DOCK3: variants seen among roughly 807,000 people sequenced by gnomAD.
DOCK3 encodes the protein dedicator of cytokinesis 3.
A neutral mutation model predicts 265.6 loss-of-function variants in DOCK3; 60 were observed. The observed-to-expected ratio is 0.23, with a 90% CI of 0.18 to 0.28. The LOEUF (loss-of-function observed/expected upper bound fraction) is 0.28, where lower values mean the gene tolerates loss of function less well. Ranked by LOEUF, DOCK3 falls within the 10% of genes least tolerant of loss-of-function variation. DOCK3 has a pLI of 1.00. For missense variants in DOCK3, 1,981 were observed against 2,594.3 expected, an observed-to-expected ratio of 0.76 and a Z score of 5.14; for synonymous variants, 881 against 938.0, an observed-to-expected ratio of 0.94 and a Z score of 1.11.
chr3:50,745,768 T>G (rs1372066513), intron 1 of DOCK3, among the ~76,000 whole-genome samples: 1 of 152,228 alleles, frequency 6.6e-6, no homozygotes, highest in Non-Finnish European at 1.5e-5. Context: ...CTACCCAACA[T>G]CAACTTTATT....
At chr3:51,349,009 C>A in intron 39 of DOCK3, 71 bp downstream of exon 39, 1 of 1,360,118 alleles carries the variant, frequency 7.4e-7, no homozygotes, top group Non-Finnish European at 1.0e-6. Context: ...CTCTATGGGC[C>A]CAGCCCTTAG....
intron 19 of DOCK3, among the ~76,000 whole-genome samples, chr3:51,234,002 A>G (rs1056391575): frequency 2.6e-5 from 4 of 152,220 alleles, no homozygotes; most frequent in Non-Finnish European, 4.4e-5. Context: ...CTTTGGACAT[A>G]TACCCAGTAG....
chr3:50,887,903 A>G (rs555170146), intron 3 of DOCK3, among the ~76,000 whole-genome samples: 2 of 152,288 alleles, frequency 1.3e-5, no homozygotes, highest in East Asian at 1.9e-4. Context: ...AGCCAATGTC[A>G]TACTGAATGG....
At chr3:51,151,635 A>G (rs866524669) in intron 10 of DOCK3, among the ~76,000 whole-genome samples, 3 of 152,174 alleles carry the variant, frequency 2.0e-5, no homozygotes, top group South Asian at 4.1e-4. Context: ...GGCTGGTACC[A>G]GTTGTTCCTT....
At chr3:50,999,613 C>T (rs529920725) in intron 5 of DOCK3, among the ~76,000 whole-genome samples, 1 of 152,218 alleles carries the variant, frequency 6.6e-6, no homozygotes, top group Non-Finnish European at 1.5e-5. Flanking sequence ...TTTCTTGGTA[C>T]TCAGGATTCA....
chr3:51,282,470 A>G (rs558729344), intron 27 of DOCK3, among the ~76,000 whole-genome samples: 1 of 152,174 alleles, frequency 6.6e-6, no homozygotes, highest in South Asian at 2.1e-4. Flanking sequence ...CCTGACCAAC[A>G]TAGAGAAACC....
At chr3:50,978,920 C>T (rs1383138792) in intron 5 of DOCK3, among the ~76,000 whole-genome samples, 19 of 152,168 alleles carry the variant, frequency 1.2e-4, no homozygotes, top group East Asian at 1.9e-4. Flanking sequence ...AGGTGCTGTC[C>T]GTCACCCCTT....
chr3:50,821,080 T>A (rs985376052), intron 2 of DOCK3, among the ~76,000 whole-genome samples: 5 of 151,878 alleles, frequency 3.3e-5, no homozygotes, highest in Admixed American at 2.6e-4. Context: ...AAATATTTTT[T>A]CCCATTCTGT....
chr3:50,794,241 A>G lies in DOCK3; in HGVS notation c.121+15483A>G, dbSNP rs566989122. On this transcript the variant is annotated intron_variant, in intron 2 of 52. Transcript: ENST00000266037. The stretch of plus-strand genomic sequence containing the variant: ...TGGGTGGAGAGTTCTGTAAATTTCT[A>G]TCAGATCCATTTGATCCAGTGCTGA... 4.6e-5 allele frequency among the ~76,000 whole-genome samples: 7 copies of G among 152,296 alleles called. 1 individual carries two copies. In the South Asian group the frequency reaches 8.3e-4, roughly 18 times the overall value.
At chr3:51,117,375 A>G (rs2109909385) in intron 9 of DOCK3, among the ~76,000 whole-genome samples, 1 of 152,116 alleles carries the variant, frequency 6.6e-6, no homozygotes, top group South Asian at 2.1e-4. Flanking sequence ...CTAGTATTTT[A>G]TTGAGGATTT....
At chr3:50,748,221 G>C (rs1018059776) in intron 1 of DOCK3, among the ~76,000 whole-genome samples, 3 of 152,190 alleles carry the variant, frequency 2.0e-5, no homozygotes, top group African/African-American at 7.2e-5. Context: ...TGCCCAGGCT[G>C]ATCTTGAATT....
chr3:50,880,040 A>G (rs965158238), intron 3 of DOCK3, among the ~76,000 whole-genome samples: 1 of 152,252 alleles, frequency 6.6e-6, no homozygotes, highest in African/African-American at 2.4e-5. Flanking sequence ...TGCTGGGTAC[A>G]TAACAAAGTG....
At chr3:50,787,648 CT>C in intron 2 of DOCK3, 1 of 1,302,292 alleles carries the variant, frequency 7.7e-7, no homozygotes, top group Non-Finnish European at 1.1e-6. Flanking sequence ...TGCACTCTTC[CT>C]GCAACCTCTT....
At chr3:51,318,102 G>A (rs991323945) in intron 32 of DOCK3, among the ~76,000 whole-genome samples, 1 of 152,094 alleles carries the variant, frequency 6.6e-6, no homozygotes, top group African/African-American at 2.4e-5. Context: ...ATTGGGGGCC[G>A]GGCACAGTGG....
At chr3:50,798,975 A>G (rs1345507372) in intron 2 of DOCK3, among the ~76,000 whole-genome samples, 1 of 152,172 alleles carries the variant, frequency 6.6e-6, no homozygotes, top group Non-Finnish European at 1.5e-5. Flanking sequence ...TTATTGAAAA[A>G]ATGGTCCTTT....
chr3:51,053,258 T>C (rs2081075348), intron 5 of DOCK3, among the ~76,000 whole-genome samples: 1 of 150,772 alleles, frequency 6.6e-6, no homozygotes. Context: ...TCTGGTGTTT[T>C]ACATTTCTAA....
At chr3:50,821,140 C>CTTTTT (rs771111717) in intron 2 of DOCK3, among the ~76,000 whole-genome samples, 20 of 119,450 alleles carry the variant, frequency 1.7e-4, no homozygotes, top group African/African-American at 2.3e-4. Context: ...TTTCTTTTTT[C>CTTTTT]TTTTTTTTTT....
At chr3:50,781,167 C>A (rs1402642921) in intron 2 of DOCK3, among the ~76,000 whole-genome samples, 3 of 150,780 alleles carry the variant, frequency 2.0e-5, no homozygotes, top group African/African-American at 7.3e-5. Flanking sequence ...GATAAAATCC[C>A]AGTGGCTCCA....
intron 9 of DOCK3, among the ~76,000 whole-genome samples, chr3:51,118,567 C>T (rs777076031): frequency 6.6e-6 from 1 of 152,168 alleles, no homozygotes; most frequent in Admixed American, 6.5e-5. Context: ...GTGTTAAAGT[C>T]TCCCACTATT....
Sources: gnomAD v4.1 joint callset for allele counts (sites outside exome capture counted in the v4.1 genomes callset) on GRCh38, gnomAD v4.1.1 for gene constraint, MANE v1.5 for transcripts, NCBI Gene and HGNC (gene_info 2026-07-23, HGNC 2026-07-21) for gene names.